Variants in KDM2B observed in about 807,000 individuals in gnomAD.
KDM2B encodes the protein lysine demethylase 2B.
Under a neutral mutation model 150.0 loss-of-function variants are expected in KDM2B, and 26 were observed. That is an observed-to-expected ratio of 0.17 (90% confidence interval 0.13 to 0.24). KDM2B has a LOEUF of 0.24. Among genes scored for constraint, KDM2B ranks in the 10% least tolerant of loss-of-function variants. The pLI is 1.00. For synonymous variants in KDM2B, 734 were observed against 729.5 expected, an observed-to-expected ratio of 1.01 and a Z score of -0.10; for missense variants, 1,265 against 1,816.9, an observed-to-expected ratio of 0.70 and a Z score of 5.52.
At chr12:121,496,746 C>A (rs1555301086) in intron 11 of KDM2B, among the ~76,000 whole-genome samples, 3 of 152,078 alleles carry the variant, frequency 2.0e-5, no homozygotes, top group African/African-American at 7.2e-5. Context: ...CCTGCCTCAG[C>A]CCCCCAAAGT....
Position 121,467,317 on chromosome 12 carries a change from C to G in KDM2B, c.1735-13973G>C. On this transcript the variant is annotated intron_variant, in intron 12 of 22. Transcript: ENST00000377071. This position sits in a 1 kb window ranked among gnomAD's most constrained non-coding sequence, Gnocchi z 5.1. ...GCTCGCCCTGGCTCGGGCTCGGGCT[C>G]GGGCTCGGGCTCCCGCTGCCGCGAG... 1 of 982,650 alleles carries G rather than the reference C, an allele frequency of 1.0e-6. No homozygotes were observed. Among genetic ancestry groups the G allele is most frequent in the Non-Finnish European group, 1.2e-6 (1 of 829,048 alleles). 60.9% of individuals were successfully genotyped at this position (982,650 alleles called of 1,614,324 possible). A position where few individuals can be genotyped will look rare whatever the true frequency, so the allele number is the denominator to read the frequency against.
chr12:121,500,597 G>A (rs1279754826), intron 11 of KDM2B, among the ~76,000 whole-genome samples: 2 of 152,224 alleles, frequency 1.3e-5, no homozygotes, highest in African/African-American at 2.4e-5. Flanking sequence ...CAGGCATCAG[G>A]GAAGAATCGC....
At chr12:121,527,528 C>G (rs1887255076) in intron 8 of KDM2B, among the ~76,000 whole-genome samples, 1 of 150,378 alleles carries the variant, frequency 6.6e-6, no homozygotes, top group Admixed American at 6.6e-5. Context: ...GTGGCAGGCG[C>G]CTGTAGTCCC....
chr12:121,490,851 G>A (rs1190198528), intron 12 of KDM2B, among the ~76,000 whole-genome samples: 1 of 152,116 alleles, frequency 6.6e-6, no homozygotes, highest in Non-Finnish European at 1.5e-5. Flanking sequence ...GGCAAGGTGG[G>A]AGATCAAAGC....
chr12:121,526,978 G>A (rs1314864474), intron 8 of KDM2B, among the ~76,000 whole-genome samples: 1 of 152,102 alleles, frequency 6.6e-6, no homozygotes, highest in Non-Finnish European at 1.5e-5. Context: ...GTTGCAGTGA[G>A]CCGAGATCAT....
At chr12:121,411,900 G>A in the KDM2B span, among the ~76,000 whole-genome samples, 1 of 152,192 alleles carries the variant, frequency 6.6e-6, no homozygotes, top group African/African-American at 2.4e-5. Context: ...CTGGAATGAA[G>A]AGAAGTTTAT....
rs1408906426 is a variant in KDM2B, at chr12:121,533,886, G to A, written c.777+611C>T. On this transcript the variant is annotated intron_variant, in intron 7 of 22. Transcript: ENST00000377071. The surrounding 1 kb of genome is among the most constrained non-coding windows in gnomAD (Gnocchi z 4.1). ...TCCCAGCACTTTGGAAGACCAAGAC[G>A]AGAGGATCACGTGAGCCCAGGACTT... 1.3e-5 allele frequency among the ~76,000 whole-genome samples: 2 copies of A among 152,168 alleles called. No homozygotes were observed. Among genetic ancestry groups the A allele is most frequent in the South Asian group, 2.1e-4 (1 of 4,832 alleles).
At position 121,530,151 on chromosome 12, in the gene KDM2B, C is replaced by G. The variant is rs1281564252; in HGVS notation, c.931+2655G>C. Among the ~76,000 whole-genome samples, 4 of 150,508 alleles carry G rather than the reference C, an allele frequency of 2.7e-5. No individual in the cohort carries two copies. In the East Asian group the frequency reaches 5.8e-4, roughly 22 times the overall value. ...GCTGAGGCAGGAGAATGGTGTGAAC[C>G]CGGGAGGCGGAGCTTGCAGTGAGCC... On this transcript the variant is annotated intron_variant, in intron 8 of 22. Coordinates refer to ENST00000377071, the MANE Select transcript of KDM2B (RefSeq NM_032590.5).
intron 12 of KDM2B, among the ~76,000 whole-genome samples, chr12:121,473,715 CA>C (rs1881019871): frequency 1.6e-5 from 1 of 63,022 alleles, no homozygotes; most frequent in Non-Finnish European, 2.9e-5. Flanking sequence ...GCAAAACTCC[CA>C]ACTCAAAAAA....
chr12:121,525,748 T>G (rs1887076602), intron 8 of KDM2B, among the ~76,000 whole-genome samples: 1 of 152,154 alleles, frequency 6.6e-6, no homozygotes, highest in Non-Finnish European at 1.5e-5. Context: ...GTGACACCAT[T>G]AAGGAATTTC....
Position 121,575,610 on chromosome 12 carries a change from G to C in KDM2B, c.350+171C>G, listed in dbSNP as rs1219413889. ...TCCCTGCAAAAGACCAGTCTTTGGA[G>C]AGTGTTTCCCCTTTGTCAGGCCTTG... On this transcript the variant is annotated intron_variant, in intron 3 of 22. Transcript: ENST00000377071. This position sits in a 1 kb window ranked among gnomAD's most constrained non-coding sequence, Gnocchi z 4.4. Among the ~76,000 whole-genome samples, 1 of 152,242 alleles carries C rather than the reference G, an allele frequency of 6.6e-6. No homozygotes were observed. The highest frequency in any genetic ancestry group is 1.5e-5 in the Non-Finnish European group (1 of 68,052).
At chr12:121,426,118 A>G (rs1186781317), downstream of KDM2B, among the ~76,000 whole-genome samples, 3 of 152,168 alleles carry the variant, frequency 2.0e-5, no homozygotes, top group Non-Finnish European at 2.9e-5. Flanking sequence ...AGGCCATAGA[A>G]GCTAAGCAGT....
chr12:121,426,440 CCCCT>C (rs372208195), downstream of KDM2B, among the ~76,000 whole-genome samples: 31 of 132,754 alleles, frequency 2.3e-4, no homozygotes, highest in African/African-American at 9.9e-4. Context: ...GCCTTTCTAC[CCCCT>C]CCCCCCCCTT....
intron 11 of KDM2B, among the ~76,000 whole-genome samples, chr12:121,494,926 T>C (rs141665932): frequency 9.0e-4 from 137 of 152,138 alleles, no homozygotes; most frequent in African/African-American, 3.1e-3. Context: ...CTTCCACGTA[T>C]GTATCACCCA....
chr12:121,489,213 G>A (rs1464744675), intron 12 of KDM2B, among the ~76,000 whole-genome samples: 1 of 152,134 alleles, frequency 6.6e-6, no homozygotes, highest in African/African-American at 2.4e-5. Context: ...CCAAAGGGCT[G>A]GGATTACAGG....
At chr12:121,531,847 C>T (rs191594543) in intron 8 of KDM2B, among the ~76,000 whole-genome samples, 4 of 152,268 alleles carry the variant, frequency 2.6e-5, no homozygotes, top group Admixed American at 2.0e-4. Flanking sequence ...AATCCTAGCA[C>T]TTTGGGAGGC....
Position 121,443,724 on chromosome 12 carries a change from G to T in KDM2B, c.2521C>A (p.Leu841Ile). ...LSPRPPLGSSLSPWWRSSLTY... is the reference protein window; with the variant it reads ...LSPRPPLGSSISPWWRSSLTY... ...AGACTGGATCTCCACCAGGGGCTGA[G>T]GCTGCTGCCTAGAGGGGGCCTCGGC... The change falls in exon 17 of 23, where the codon CTC (leucine) becomes ATC (isoleucine). Residue 841 changes from leucine to isoleucine, a missense_variant. Physicochemically the swap from Leu to Ile is conservative, Grantham distance 5. Around this residue, in one of 11 missense-constraint regions of KDM2B, gnomAD observed 418 missense variants for 402.4 expected, o/e 1.04. Coordinates refer to ENST00000377071, the MANE Select transcript of KDM2B (RefSeq NM_032590.5). The T allele has an allele frequency of 6.2e-7, 1 of 1,612,108 alleles. No individual in the cohort carries two copies. The highest frequency in any genetic ancestry group is 1.1e-5 in the South Asian group (1 of 91,074).
intron 4 of KDM2B, among the ~76,000 whole-genome samples, chr12:121,571,897 C>T (rs972844458): frequency 5.9e-5 from 9 of 152,090 alleles, no homozygotes; most frequent in Admixed American, 1.3e-4. Flanking sequence ...GTGATTCGCC[C>T]GCGTCGGCCT....
intron 4 of KDM2B, among the ~76,000 whole-genome samples, chr12:121,558,844 G>A (rs1322964656): frequency 6.6e-6 from 1 of 152,134 alleles, no homozygotes; most frequent in Non-Finnish European, 1.5e-5. Flanking sequence ...GCCCACCTCA[G>A]CCTCTGAAAG....
Sources: gnomAD v4.1 joint callset for allele counts (sites outside exome capture counted in the v4.1 genomes callset) on GRCh38, gnomAD v4.1.1 for gene constraint, gnomAD v4.1.1 regional missense constraint, Gnocchi (gnomAD v3.1) non-coding constraint, MANE v1.5 for transcripts, NCBI Gene and HGNC (gene_info 2026-07-23, HGNC 2026-07-21) for gene names.